ZFPM2: variants seen among roughly 807,000 people sequenced by gnomAD.
ZFPM2 encodes the protein zinc finger protein, FOG family member 2.
A neutral mutation model predicts 98.6 loss-of-function variants in ZFPM2; 20 were observed. That is an observed-to-expected ratio of 0.20 (90% CI 0.14 to 0.29). ZFPM2 has a LOEUF of 0.29. Ranked by LOEUF, ZFPM2 falls within the 10% of genes least tolerant of loss-of-function variation. The probability of loss-of-function intolerance (pLI) is 1.00; values close to 1 mark genes in which losing one functional copy is unlikely to be tolerated. For missense variants in ZFPM2, 1,310 were observed against 1,388.6 expected (o/e 0.94, Z 0.90); for synonymous variants, 518 against 502.7 (o/e 1.03, Z -0.41).
At chr8:105,415,878 G>A (rs1811670688) in intron 1 of ZFPM2, among the ~76,000 whole-genome samples, 1 of 152,192 alleles carries the variant, frequency 6.6e-6, no homozygotes, top group Non-Finnish European at 1.5e-5. Flanking sequence ...AGAAATACAA[G>A]TTGGTCATCA....
chr8:105,414,944 G>A (rs951320867), intron 1 of ZFPM2: 3 of 152,096 alleles, frequency 2.0e-5, no homozygotes, highest in Non-Finnish European at 4.4e-5. Flanking sequence ...GCACAGCGCA[G>A]CTGTTGGTAC....
intron 1 of ZFPM2, among the ~76,000 whole-genome samples, chr8:105,323,240 T>G (rs1812060827): frequency 1.3e-5 from 2 of 151,936 alleles, no homozygotes; most frequent in African/African-American, 4.8e-5. Flanking sequence ...GAATACTACC[T>G]ATATTTGAAA....
rs1814067339 is a variant in ZFPM2, at chr8:105,802,632, G to T, written c.2550G>T (p.Leu850=). ...GGACGACCACGTCTCCCAAAAGGCT[G>T]CTGGACTATCACGAGTGCACTGTGT... ...SERTTTSPKR[L]LDYHECTVCK... The change falls in exon 8 of 8, where the codon CTG becomes CTT. Residue 850 remains leucine (L), a synonymous_variant. Coordinates refer to ENST00000407775, the MANE Select transcript of ZFPM2 (RefSeq NM_012082.4). 1.9e-6 allele frequency: 3 copies of T among 1,610,816 alleles called. No homozygotes were observed. The highest frequency in any genetic ancestry group is 2.5e-6 in the Non-Finnish European group (3 of 1,178,566).
intron 1 of ZFPM2, among the ~76,000 whole-genome samples, chr8:105,382,991 T>C: frequency 6.6e-6 from 1 of 152,030 alleles, no homozygotes; most frequent in Non-Finnish European, 1.5e-5. Context: ...TATAATTAAG[T>C]AGAAATATAT....
intron 1 of ZFPM2, among the ~76,000 whole-genome samples, chr8:105,402,205 C>G (rs1403414299): frequency 6.6e-6 from 1 of 151,900 alleles, no homozygotes; most frequent in East Asian, 1.9e-4. Flanking sequence ...CCTGTTGTTT[C>G]ATTTGGAAGC....
chr8:105,582,833 A>T (rs1815631895), intron 4 of ZFPM2, among the ~76,000 whole-genome samples: 1 of 152,098 alleles, frequency 6.6e-6, no homozygotes, highest in African/African-American at 2.4e-5. Context: ...GGCTCAAGTG[A>T]TCCACCTGCC....
At chr8:105,700,401 C>T (rs1300812341) in intron 5 of ZFPM2, among the ~76,000 whole-genome samples, 1 of 152,186 alleles carries the variant, frequency 6.6e-6, no homozygotes, top group Non-Finnish European at 1.5e-5. Context: ...CAAAATAGCA[C>T]TAGTTACTGG....
chr8:105,471,216 C>T (rs1399261841), intron 3 of ZFPM2, among the ~76,000 whole-genome samples: 4 of 152,048 alleles, frequency 2.6e-5, no homozygotes, highest in African/African-American at 7.2e-5. Context: ...AGCTTCAGGA[C>T]GGAGTTGGAC....
At chr8:105,541,189 A>G (rs1814568302) in intron 3 of ZFPM2, among the ~76,000 whole-genome samples, 1 of 152,114 alleles carries the variant, frequency 6.6e-6, no homozygotes, top group Non-Finnish European at 1.5e-5. Flanking sequence ...CTGATGAAAT[A>G]TTTTTTAAGT....
chr8:105,692,768 T>G (rs576642092), intron 5 of ZFPM2, among the ~76,000 whole-genome samples: 1 of 152,136 alleles, frequency 6.6e-6, no homozygotes, highest in Non-Finnish European at 1.5e-5. Context: ...AATGGAAAAT[T>G]GTTCAGGATG....
At chr8:105,759,778 C>T (rs1318356056) in intron 5 of ZFPM2, among the ~76,000 whole-genome samples, 2 of 151,986 alleles carry the variant, frequency 1.3e-5, no homozygotes, top group Non-Finnish European at 2.9e-5. Context: ...CCATGACCCT[C>T]TCTACCTTTA....
At chr8:105,550,511 T>C (rs1323807453) in intron 3 of ZFPM2, among the ~76,000 whole-genome samples, 1 of 152,162 alleles carries the variant, frequency 6.6e-6, no homozygotes, top group East Asian at 1.9e-4. Context: ...TGATAAAAAT[T>C]ATACCTACTC....
intron 3 of ZFPM2, among the ~76,000 whole-genome samples, chr8:105,485,578 A>G (rs1813215882): frequency 6.6e-6 from 1 of 152,158 alleles, no homozygotes; most frequent in African/African-American, 2.4e-5. Context: ...GTAAGCCTGG[A>G]TGTTAGGAGA....
At chr8:105,634,477 C>A in intron 5 of ZFPM2, 120 bp downstream of exon 5, 2 of 791,294 alleles carry the variant, frequency 2.5e-6, no homozygotes, top group Non-Finnish European at 4.2e-6. Flanking sequence ...CCTTTTTTCC[C>A]ATTTGAGTTC....
chr8:105,330,555 T>TATATATATATATACATATATATATAC (rs1812196748), intron 1 of ZFPM2, among the ~76,000 whole-genome samples: 3 of 104,902 alleles, frequency 2.9e-5, no homozygotes, highest in South Asian at 2.9e-4. Flanking sequence ...TATATATACA[T>TATATATATATATACATATATATATAC]ATATATATAT....
At chr8:105,732,625 T>C (rs1424475715) in intron 5 of ZFPM2, among the ~76,000 whole-genome samples, 1 of 151,876 alleles carries the variant, frequency 6.6e-6, no homozygotes, top group Non-Finnish European at 1.5e-5. Context: ...AGCAATTTCA[T>C]TTTTGGAACC....
intron 5 of ZFPM2, among the ~76,000 whole-genome samples, chr8:105,732,619 A>C (rs527886332): frequency 2.6e-5 from 4 of 151,988 alleles, no homozygotes; most frequent in Admixed American, 1.3e-4. Context: ...GAATTTAGCA[A>C]TTTCATTTTT....
intron 4 of ZFPM2, among the ~76,000 whole-genome samples, chr8:105,626,177 C>G (rs1816650624): frequency 1.3e-5 from 2 of 152,060 alleles, no homozygotes; most frequent in African/African-American, 4.8e-5. Context: ...TAGTTCCAGT[C>G]ACATTAATAA....
At chr8:105,653,705 G>A (rs1817225823) in intron 5 of ZFPM2, among the ~76,000 whole-genome samples, 1 of 152,060 alleles carries the variant, frequency 6.6e-6, no homozygotes, top group Admixed American at 6.6e-5. Context: ...GCTACATAAT[G>A]GTGTAATGAC....
Sources: allele counts gnomAD v4.1 joint callset (sites outside exome capture counted in the v4.1 genomes callset), GRCh38; gene constraint gnomAD v4.1.1; transcripts MANE v1.5; gene names NCBI Gene and HGNC (gene_info 2026-07-23, HGNC 2026-07-21).